SLC7A4: variants seen among roughly 807,000 people sequenced by gnomAD.
The protein encoded by SLC7A4 is solute carrier family 7 member 4, also known as cationic amino acid transporter 4.
Under a neutral mutation model 37.8 loss-of-function variants are expected in SLC7A4, and 30 were observed. The ratio of observed to expected loss-of-function variants is 0.79; its 90% CI spans 0.59 to 1.08. The LOEUF (loss-of-function observed/expected upper bound fraction) is 1.08, where lower values mean the gene tolerates loss of function less well. Ranked by LOEUF, SLC7A4 falls within the 50% of genes least tolerant of loss-of-function variation. SLC7A4 has a pLI of 0.00. For synonymous variants in SLC7A4, 359 were observed against 376.5 expected (o/e 0.95, Z 0.54); for missense variants, 839 against 843.2 (o/e 1.00, Z 0.06).
intron 3 of SLC7A4, 101 bp from the exon 4 acceptor site, chr22:21,029,545 C>T (rs138618001): frequency 1.9e-5 from 23 of 1,207,132 alleles, no homozygotes; most frequent in African/African-American, 1.3e-4. Context: ...TTGTTCCTCA[C>T]GGGAGATTGT....
At position 21,028,974 on chromosome 22, in the gene SLC7A4, A is replaced by G. The variant is rs1928775508; in HGVS notation, c.*81T>C. ...GGCCTGCAAACCCAGGCTGCCCACA[A>G]CAGAAGGGGCTCTCGGCTTGTCTGG... On this transcript the variant is annotated 3_prime_UTR_variant, in exon 5 of 5. Coordinates refer to ENST00000382932, the MANE Select transcript of SLC7A4 (RefSeq NM_004173.3). 18 of 1,454,610 alleles carry G rather than the reference A, an allele frequency of 1.2e-5. 1 individual carries two copies. In the South Asian group the frequency reaches 1.9e-4, roughly 15 times the overall value. 90.1% of individuals were successfully genotyped at this position (1,454,610 alleles called of 1,614,324 possible).
intron 3 of SLC7A4, 77 bp downstream of exon 3, chr22:21,029,634 C>G: frequency 6.7e-7 from 1 of 1,483,082 alleles, no homozygotes; most frequent in Non-Finnish European, 9.3e-7. Context: ...GAGACTTGTT[C>G]ATTCTGGGAT....
At chr22:21,031,924 A>G in intron 1 of SLC7A4, 72 bp from the exon 2 acceptor site, 1 of 1,107,572 alleles carries the variant, frequency 9.0e-7, no homozygotes. Context: ...TCCTGGTCTG[A>G]CCACCCCCAG....
Position 21,029,753 on chromosome 22 carries a change from G to T in SLC7A4, c.1581C>A (p.Val527=), listed in dbSNP as rs1255869002. ...GATACTGTTGCTGGTGAGCCCCCAG[G>T]ACAAGGAGGCTGAGCAGAAACATGA... ...TSVMFLLSLL[V]LGAHQQQYRE... is the part of the protein sequence containing the mutation. Residue 527 remains valine (V), a synonymous_variant, in exon 3 of 5, where the codon GTC becomes GTA. Coordinates refer to ENST00000382932, the MANE Select transcript of SLC7A4 (RefSeq NM_004173.3). 2 of 1,613,062 alleles carry T rather than the reference G, an allele frequency of 1.2e-6. No homozygotes were observed. The highest frequency in any genetic ancestry group is 2.7e-5 in the African/African-American group (2 of 74,908).
At position 21,029,958 on chromosome 22, in the gene SLC7A4, T is replaced by C; in HGVS notation, c.1376A>G (p.Lys459Arg). The C allele has an allele frequency of 1.9e-6, 3 of 1,613,936 alleles. No individual in the cohort carries two copies. The highest frequency in any genetic ancestry group is 2.5e-6 in the Non-Finnish European group (3 of 1,180,004). The change falls in exon 3 of 5, where the codon AAG (lysine) becomes AGG (arginine). Residue 459 changes from lysine to arginine, a missense_variant. Transcript: ENST00000382932. ...HASVPEPGEL[K>R]PALRPYLGFL... ...GCCCAGGTAGGGCCTCAGGGCTGGCTTCAGCTCCCCTGGCTCAGGGACGGA... is the reference window on the plus strand; with the variant it reads ...GCCCAGGTAGGGCCTCAGGGCTGGCCTCAGCTCCCCTGGCTCAGGGACGGA...
chr22:21,031,002 C>T lies in SLC7A4; in HGVS notation c.811G>A (p.Ala271Thr). The change falls in exon 2 of 5, where the codon GCC becomes ACC. Residue 271 changes from alanine to threonine, a missense_variant. Ala to Thr is a moderately conservative substitution (Grantham distance 58). Transcript: ENST00000382932. Reference sequence around the variant, plus strand: ...GCAATGGCAAGCGAGATGGCGATGGCCAGAGGCACAGACCGCCGTGGGTTC... The same window carrying T: ...GCAATGGCAAGCGAGATGGCGATGGTCAGAGGCACAGACCGCCGTGGGTTC... ...AQNPRRSVPL[A>T]IAISLAIAAG... is the part of the protein sequence containing the mutation. 6.2e-7 allele frequency: 1 copy of T among 1,614,034 alleles called. No individual in the cohort carries two copies. Among genetic ancestry groups the T allele is most frequent in the South Asian group, 1.1e-5 (1 of 91,074 alleles).
In SLC7A4 at chr22:21,030,131, G is replaced by A. The variant is rs753608453; in HGVS notation, c.1203C>T (p.Ala401=). Residue 401 remains alanine (A), a synonymous_variant, in exon 3 of 5, where the codon GCC becomes GCT. Transcript: ENST00000382932. ...TGATACTGGTGGCCACGAATGTGTA[G>A]GCCAGGAGTGTGCCAAGGGACAGGA... The part of the protein sequence containing the change: ...VQFLSLGTLL[A]YTFVATSIIV... 3.1e-6 allele frequency: 5 copies of A among 1,613,796 alleles called. No individual in the cohort carries two copies. The South Asian group carries it at 4.4e-5, about 14-fold the overall frequency.
chr22:21,029,312 G>C (rs375057543), intron 4 of SLC7A4, 24 bp downstream of exon 4: 2 of 1,611,296 alleles, frequency 1.2e-6, no homozygotes, highest in African/African-American at 2.7e-5. Context: ...TCCTGACCCC[G>C]GTCCCAGCCT....
At position 21,031,755 on chromosome 22, in the gene SLC7A4, G is replaced by C. The variant is rs758092768; in HGVS notation, c.58C>G (p.Arg20Gly). The change falls in exon 2 of 5, where the codon CGC becomes GGC. Residue 20 changes from arginine (R) to glycine (G), a missense_variant. Physicochemically the swap from Arg to Gly is moderately radical, Grantham distance 125. Transcript: ENST00000382932. ...SLARLCQKLN[R>G]LKPLEDSTME... is the part of the protein sequence containing the mutation. ...GTGGAGTCCTCCAGCGGCTTCAGGCGGTTCAGCTTCTGGCATAAGCGTGCC... is the reference window on the plus strand; with the variant it reads ...GTGGAGTCCTCCAGCGGCTTCAGGCCGTTCAGCTTCTGGCATAAGCGTGCC... 1 of 1,576,638 alleles carries C rather than the reference G, an allele frequency of 6.3e-7. No homozygotes were observed. The highest frequency in any genetic ancestry group is 8.6e-7 in the Non-Finnish European group (1 of 1,162,510).
chr22:21,031,136 T>A lies in SLC7A4; in HGVS notation c.677A>T (p.Glu226Val), dbSNP rs149690673. The change falls in exon 2 of 5, where the codon GAA becomes GTA. Residue 226 changes from glutamate to valine, a missense_variant. Physicochemically the swap from Glu to Val is moderately radical, Grantham distance 121. Coordinates refer to ENST00000382932, the MANE Select transcript of SLC7A4 (RefSeq NM_004173.3). ...LAQPHNWSAD[E>V]GGFAPFGFSG... ...GAAGCCGAAGGGTGCAAAGCCGCCT[T>A]CGTCAGCGCTCCAGTTGTGAGGCTG... 111 of 1,613,452 alleles carry A rather than the reference T, an allele frequency of 6.9e-5. No homozygotes were observed. Among genetic ancestry groups the A allele is most frequent in the Middle Eastern group, 6.6e-4 (4 of 6,080 alleles).
Position 21,030,893 on chromosome 22 carries a change from T to A in SLC7A4, c.920A>T (p.Asp307Val). The A allele has an allele frequency of 6.2e-7, 1 of 1,613,178 alleles. No individual in the cohort carries two copies. The highest frequency in any genetic ancestry group is 8.5e-7 in the Non-Finnish European group (1 of 1,179,542). ...CCTGTAGCCCCGCTGGTAGAAGGCATCTGCAAGCGCTGAGTCGGGGTCCAG... is the reference window on the plus strand; with the variant it reads ...CCTGTAGCCCCGCTGGTAGAAGGCAACTGCAAGCGCTGAGTCGGGGTCCAG... Reference protein sequence around the residue: ...HSLDPDSALADAFYQRGYRWA... With the variant: ...HSLDPDSALAVAFYQRGYRWA... Residue 307 changes from aspartate to valine, a missense_variant, in exon 2 of 5, where the codon GAT becomes GTT. Transcript: ENST00000382932.
chr22:21,030,191 C>T lies in SLC7A4; in HGVS notation c.1143G>A (p.Leu381=). 6.2e-7 allele frequency: 1 copy of T among 1,613,842 alleles called. No individual in the cohort carries two copies. Among genetic ancestry groups the T allele is most frequent in the Non-Finnish European group, 8.5e-7 (1 of 1,180,014 alleles). The stretch of plus-strand genomic sequence containing the variant: ...GCGACTCCAGGTCCAGCAGCAGTGC[C>T]AGGAAGGCCGTGAGGAGCCCGAACG... The part of the protein sequence containing the change: ...TLAFGLLTAF[L]ALLLDLESLV... Residue 381 remains leucine, a synonymous_variant, in exon 3 of 5, where the codon CTG becomes CTA. Transcript: ENST00000382932.
chr22:21,030,794 C>G (rs1385584925), intron 2 of SLC7A4, 37 bp downstream of exon 2: 4 of 1,526,422 alleles, frequency 2.6e-6, no homozygotes, highest in Non-Finnish European at 3.5e-6. Flanking sequence ...CCCCCTTGCT[C>G]TTTTCCCTGC....
rs1248504714 is a variant in SLC7A4 at position 21,029,161 on chromosome 22, T to G, written c.1802A>C (p.Asn601Thr). The G allele has an allele frequency of 6.2e-7, 1 of 1,613,874 alleles. No homozygotes were observed. The highest frequency in any genetic ancestry group is 1.7e-5 in the Admixed American group (1 of 60,010). Residue 601 changes from asparagine (N) to threonine (T), a missense_variant, in exon 5 of 5, where the codon AAC becomes ACC. By Grantham distance (65) the Asn-to-Thr change is moderately conservative. Coordinates refer to ENST00000382932, the MANE Select transcript of SLC7A4 (RefSeq NM_004173.3). ...KENQRELPGL[N>T]STHYVVFPRG... ...GGGGAATACCACGTAGTGTGTGGAGTTCAGCCCTGGCAGCTCCCGCTGGTT... is the reference window on the plus strand; with the variant it reads ...GGGGAATACCACGTAGTGTGTGGAGGTCAGCCCTGGCAGCTCCCGCTGGTT...
intron 2 of SLC7A4, 111 bp downstream of exon 2, chr22:21,030,720 C>A: frequency 7.8e-7 from 1 of 1,282,490 alleles, no homozygotes; most frequent in East Asian, 2.4e-5. Context: ...TTCCTTGCCC[C>A]ATTATGCAAC....
chr22:21,031,855 G>A lies in SLC7A4; in HGVS notation c.-40-3C>T, dbSNP rs1159108620. Reference sequence around the variant, plus strand: ...AGCACCGAGCCAGCTACTGGAACCTGCTAGGGCCAGAGGGGAATGACAGGA... The same window carrying A: ...AGCACCGAGCCAGCTACTGGAACCTACTAGGGCCAGAGGGGAATGACAGGA... On this transcript the variant is annotated splice_polypyrimidine_tract_variant and splice_region_variant and intron_variant, in intron 1 of 4. Transcript: ENST00000382932. The A allele has an allele frequency of 2.0e-6, 3 of 1,465,644 alleles. No individual in the cohort carries two copies. The highest frequency in any genetic ancestry group is 2.5e-4 in the Middle Eastern group (1 of 3,944). The allele number at this position is 1,465,644 out of a possible 1,614,324, so 90.8% of individuals were successfully genotyped here.
Position 21,029,944 on chromosome 22 carries a change from G to C in SLC7A4, c.1390C>G (p.Pro464Ala). 6.2e-7 allele frequency: 1 copy of C among 1,613,778 alleles called. No individual in the cohort carries two copies. Among genetic ancestry groups the C allele is most frequent in the Non-Finnish European group, 8.5e-7 (1 of 1,179,962 alleles). ...EPGELKPALRPYLGFLDGYSP... is the reference protein window; with the variant it reads ...EPGELKPALRAYLGFLDGYSP... ...TACCCATCCAAGAAGCCCAGGTAGGGCCTCAGGGCTGGCTTCAGCTCCCCT... is the reference window on the plus strand; with the variant it reads ...TACCCATCCAAGAAGCCCAGGTAGGCCCTCAGGGCTGGCTTCAGCTCCCCT... The change falls in exon 3 of 5, where the codon CCC becomes GCC. Residue 464 changes from proline (P) to alanine (A), a missense_variant. Physicochemically the swap from Pro to Ala is conservative, Grantham distance 27. Coordinates refer to ENST00000382932, the MANE Select transcript of SLC7A4 (RefSeq NM_004173.3).
intron 1 of SLC7A4, among the ~76,000 whole-genome samples, chr22:21,032,216 CAG>C (rs1208758601): frequency 2.6e-5 from 4 of 152,160 alleles, no homozygotes; most frequent in Non-Finnish European, 2.9e-5. Flanking sequence ...GAGGCTTCCC[CAG>C]AGTCGAGCCG....
In SLC7A4 at chr22:21,028,869, G is replaced by T; in HGVS notation, c.*186C>A. 1.7e-6 allele frequency: 1 copy of T among 580,890 alleles called. No homozygotes were observed. 36.0% of individuals were successfully genotyped at this position (580,890 alleles called of 1,614,324 possible). ...GGCAGAGTCCATGGCACCAGCACCAGCCAAGGCCCACTCCTGAAGACCCGA... is the reference window on the plus strand; with the variant it reads ...GGCAGAGTCCATGGCACCAGCACCATCCAAGGCCCACTCCTGAAGACCCGA... On this transcript the variant is annotated 3_prime_UTR_variant, in exon 5 of 5. Coordinates refer to ENST00000382932, the MANE Select transcript of SLC7A4 (RefSeq NM_004173.3).
Sources: gnomAD v4.1 joint callset for allele counts (sites outside exome capture counted in the v4.1 genomes callset) on GRCh38, gnomAD v4.1.1 for gene constraint, MANE v1.5 for transcripts, NCBI Gene and HGNC (gene_info 2026-07-23, HGNC 2026-07-21) for gene names.